The following LUZP2 variants were observed in gnomAD, a reference collection of about 807,000 sequenced individuals.
The protein encoded by LUZP2 is leucine zipper protein 2.
LUZP2 carries 52 observed loss-of-function variants against 51.6 expected under a neutral mutation model. The observed-to-expected ratio is 1.01, with a 90% CI of 0.81 to 1.27. LUZP2 has a LOEUF of 1.27. Among genes scored for constraint, LUZP2 ranks in the 50% most tolerant of loss-of-function variants. The pLI, the probability that LUZP2 is intolerant of heterozygous loss-of-function variation, is 0.00. For missense variants in LUZP2, 436 were observed against 395.4 expected (o/e 1.10, Z -0.87); for synonymous variants, 154 against 137.3 (o/e 1.12, Z -0.85).
intron 9 of LUZP2, among the ~76,000 whole-genome samples, chr11:25,023,067 G>A (rs942593580): frequency 3.9e-5 from 6 of 151,934 alleles, no homozygotes; most frequent in Non-Finnish European, 7.4e-5. Context: ...TTTATTGAGG[G>A]TTTTTGCTTG....
intron 1 of LUZP2, among the ~76,000 whole-genome samples, chr11:24,549,352 C>T (rs555657592): frequency 2.0e-5 from 3 of 152,168 alleles, no homozygotes; most frequent in Non-Finnish European, 2.9e-5. Context: ...TCAGCACACA[C>T]GGAGCTGTCC....
chr11:24,654,025 AC>A (rs552130162), intron 1 of LUZP2, among the ~76,000 whole-genome samples: 20 of 152,342 alleles, frequency 1.3e-4, no homozygotes, highest in Middle Eastern at 6.8e-3. Context: ...AGACTTTTAA[AC>A]AATTATAATA....
intron 5 of LUZP2, among the ~76,000 whole-genome samples, chr11:24,901,032 A>T (rs551889504): frequency 9.9e-5 from 15 of 152,158 alleles, no homozygotes; most frequent in Admixed American, 8.5e-4. Context: ...TTTTTCTTCC[A>T]TATGGTACTT....
At chr11:24,523,605 T>C (rs1850712614) in intron 1 of LUZP2, among the ~76,000 whole-genome samples, 1 of 151,184 alleles carries the variant, frequency 6.6e-6, no homozygotes, top group African/African-American at 2.4e-5. Flanking sequence ...TGTCAGGTAG[T>C]ACATTTAGAT....
intron 1 of LUZP2, among the ~76,000 whole-genome samples, chr11:24,529,436 C>A (rs897281254): frequency 2.1e-4 from 32 of 151,052 alleles, no homozygotes; most frequent in African/African-American, 7.7e-4. Flanking sequence ...CCTGAAAGTG[C>A]ATGCTATAGA....
chr11:25,024,246 A>G (rs1342094949), intron 9 of LUZP2, among the ~76,000 whole-genome samples: 6 of 152,156 alleles, frequency 3.9e-5, no homozygotes, highest in Non-Finnish European at 8.8e-5. Flanking sequence ...CAAGACAGGG[A>G]TGCCCTCTCT....
chr11:25,061,045 CAA>C (rs1858821010), intron 10 of LUZP2, among the ~76,000 whole-genome samples: 1 of 146,538 alleles, frequency 6.8e-6, no homozygotes, highest in Non-Finnish European at 1.6e-5. Flanking sequence ...AATAAGATAT[CAA>C]AGTCCAGGAG....
At chr11:24,540,636 G>T in intron 1 of LUZP2, among the ~76,000 whole-genome samples, 1 of 152,096 alleles carries the variant, frequency 6.6e-6, no homozygotes, top group East Asian at 1.9e-4. Context: ...GTTAGCTTGA[G>T]CAGACTAATA....
chr11:25,055,255 C>T (rs983667596), intron 10 of LUZP2, among the ~76,000 whole-genome samples: 5 of 151,948 alleles, frequency 3.3e-5, no homozygotes, highest in African/African-American at 4.8e-5. Flanking sequence ...GTGATCCACC[C>T]GCCTTAGCCT....
At chr11:24,632,802 C>G (rs1854940993) in intron 1 of LUZP2, among the ~76,000 whole-genome samples, 1 of 151,974 alleles carries the variant, frequency 6.6e-6, no homozygotes, top group Admixed American at 6.6e-5. Context: ...ATAAACCAAG[C>G]TGATGAGATA....
chr11:25,063,150 A>G (rs57183795), intron 10 of LUZP2, among the ~76,000 whole-genome samples: 1 of 152,016 alleles, frequency 6.6e-6, no homozygotes, highest in East Asian at 1.9e-4. Flanking sequence ...AATAAAACAA[A>G]TAAAATATAG....
intron 5 of LUZP2, among the ~76,000 whole-genome samples, chr11:24,830,851 G>A (rs1171053682): frequency 2.0e-5 from 3 of 151,816 alleles, no homozygotes; most frequent in Non-Finnish European, 4.4e-5. Flanking sequence ...AAAATTAGCC[G>A]GGTGTGATGG....
chr11:25,064,564 C>T (rs1858942400), intron 10 of LUZP2, among the ~76,000 whole-genome samples: 1 of 152,086 alleles, frequency 6.6e-6, no homozygotes, highest in African/African-American at 2.4e-5. Flanking sequence ...ACTAAATTAG[C>T]ATACCTACTC....
intron 1 of LUZP2, among the ~76,000 whole-genome samples, chr11:24,681,751 A>C (rs1250559633): frequency 6.6e-6 from 1 of 152,220 alleles, no homozygotes; most frequent in Non-Finnish European, 1.5e-5. Flanking sequence ...GAAATGTTAT[A>C]AACTTCACTT....
chr11:24,699,654 C>CATAT (rs145387003), intron 1 of LUZP2, among the ~76,000 whole-genome samples: 89 of 148,730 alleles, frequency 6.0e-4, no homozygotes, highest in African/African-American at 1.5e-3. Context: ...TAGCCTTGGC[C>CATAT]ATATATATAT....
At chr11:24,529,202 G>T (rs1453326507) in intron 1 of LUZP2, among the ~76,000 whole-genome samples, 1 of 151,070 alleles carries the variant, frequency 6.6e-6, no homozygotes, top group Non-Finnish European at 1.5e-5. Context: ...ATCTATGTCT[G>T]TTTTGATCAT....
At chr11:24,599,011 C>G (rs1853536640) in intron 1 of LUZP2, among the ~76,000 whole-genome samples, 1 of 152,102 alleles carries the variant, frequency 6.6e-6, no homozygotes, top group African/African-American at 2.4e-5. Context: ...GAACCTTTTT[C>G]TAAGTCAGTA....
chr11:24,870,950 T>C (rs113068751), intron 5 of LUZP2, among the ~76,000 whole-genome samples: 129 of 152,196 alleles, frequency 8.5e-4, no homozygotes, highest in African/African-American at 2.9e-3. Context: ...ATTTTTTTGG[T>C]AGAACATTTT....
At chr11:24,586,265 A>T (rs1471627028) in intron 1 of LUZP2, among the ~76,000 whole-genome samples, 1 of 152,142 alleles carries the variant, frequency 6.6e-6, no homozygotes, top group Non-Finnish European at 1.5e-5. Context: ...AAAATTACAT[A>T]TCACATTACC....
Sources: allele counts gnomAD v4.1 joint callset (sites outside exome capture counted in the v4.1 genomes callset), GRCh38; gene constraint gnomAD v4.1.1; transcripts MANE v1.5; gene names NCBI Gene and HGNC (gene_info 2026-07-23, HGNC 2026-07-21).